The following THOC2 variants were observed in gnomAD, a reference collection of about 807,000 sequenced individuals.
THOC2 encodes the protein THO complex 2.
In THOC2, 10 loss-of-function variants were observed where a neutral mutation model predicts 128.4. That is an observed-to-expected ratio of 0.08 (90% confidence interval 0.05 to 0.13). THOC2 has a LOEUF of 0.13. Ranked by LOEUF, THOC2 falls within the 10% of genes least tolerant of loss-of-function variation. The probability of loss-of-function intolerance (pLI) is 1.00; values close to 1 mark genes in which losing one functional copy is unlikely to be tolerated. For missense variants in THOC2, 535 were observed against 1,155.7 expected (o/e 0.46, Z 7.79); for synonymous variants, 393 against 396.9 (o/e 0.99, Z 0.12).
chrX:123,686,558 T>C lies in THOC2; in HGVS notation c.758A>G (p.Lys253Arg). ...TLCHILGFKF[K>R]FYQEPNGETP... ...CACGTTTTTCTTTACCTGGTAAAAC[T>C]TGAATTTGAACCCAAGAATATGACA... is the stretch of plus-strand genomic sequence containing the variant. The change falls in exon 8 of 39, where the codon AAG becomes AGG. Residue 253 changes from lysine (K) to arginine (R), a missense_variant. Physicochemically the swap from Lys to Arg is conservative, Grantham distance 26 (BLOSUM62 2). Transcript: ENST00000245838. 8.4e-7 allele frequency: 1 copy of C among 1,192,836 alleles called. No homozygotes were observed. The highest frequency in any genetic ancestry group is 1.1e-6 in the Non-Finnish European group (1 of 885,572).
intron 8 of THOC2, among the ~76,000 whole-genome samples, chrX:123,685,922 G>C (rs1341336643): frequency 9.0e-6 from 1 of 111,675 alleles, no homozygotes; most frequent in African/African-American, 3.2e-5. Context: ...TCCAAGCACA[G>C]TGGCACACGA....
intron 1 of THOC2, among the ~76,000 whole-genome samples, chrX:123,717,013 G>T (rs903870551): frequency 8.9e-6 from 1 of 111,745 alleles, no homozygotes; most frequent in Non-Finnish European, 1.9e-5. Flanking sequence ...GTGAAAAGTT[G>T]AAAGTTTTTC....
chrX:123,644,306 T>C lies in THOC2; in HGVS notation c.1661+269A>G, dbSNP rs987172133. 4.5e-5 allele frequency among the ~76,000 whole-genome samples: 5 copies of C among 111,991 alleles called. No individual in the cohort carries two copies. In the Admixed American group the frequency reaches 4.7e-4, roughly 11 times the overall value. ...TCCTTAAAAAGAAAAAACAAAACCT[T>C]CATCCCATAATATGATGCACATATT... On this transcript the variant is annotated intron_variant, in intron 15 of 38. Transcript: ENST00000245838.
At chrX:123,669,733 T>C (rs984014635) in intron 9 of THOC2, among the ~76,000 whole-genome samples, 3 of 112,140 alleles carry the variant, frequency 2.7e-5, no homozygotes, top group Non-Finnish European at 5.6e-5. Context: ...ATTAGATACA[T>C]GTAAAGTTAG....
intron 8 of THOC2, among the ~76,000 whole-genome samples, chrX:123,685,107 T>C (rs993533504): frequency 2.7e-5 from 3 of 112,636 alleles, no homozygotes; most frequent in Non-Finnish European, 5.6e-5. Flanking sequence ...AAGAGAATTG[T>C]CTTCCTAAAA....
At chrX:123,643,106 G>C (rs2047990991) in intron 15 of THOC2, among the ~76,000 whole-genome samples, 1 of 111,484 alleles carries the variant, frequency 9.0e-6, no homozygotes, top group Admixed American at 9.6e-5. Context: ...TCACCAGATG[G>C]AAAGGGGGAA....
chrX:123,671,788 A>C lies in THOC2; in HGVS notation c.769-27T>G, dbSNP rs749993069. 8 of 989,333 alleles carry C rather than the reference A, an allele frequency of 8.1e-6. No homozygotes were observed. The African/African-American group carries it at 1.5e-4, about 19-fold the overall frequency. 81.5% of individuals were successfully genotyped at this position (989,333 alleles called of 1,213,427 possible). A position where few individuals can be genotyped will look rare whatever the true frequency, so the allele number is the denominator to read the frequency against. ...TAGAAATATAAAAAAAAAAGTTTCC[A>C]TTTAGTGCAGAAAGGACAATTAAAG... On this transcript the variant is annotated intron_variant, in intron 8 of 38. Coordinates refer to ENST00000245838, the MANE Select transcript of THOC2 (RefSeq NM_001081550.2).
intron 9 of THOC2, 114 bp from the exon 10 acceptor site, chrX:123,668,428 C>T (rs1468678764): frequency 3.1e-5 from 14 of 454,949 alleles, no homozygotes; most frequent in Non-Finnish European, 4.4e-5. Flanking sequence ...CTAACTTATT[C>T]GTGACCATTT....
At chrX:123,716,668 G>A (rs1326748974) in intron 1 of THOC2, among the ~76,000 whole-genome samples, 1 of 106,597 alleles carries the variant, frequency 9.4e-6, no homozygotes, top group Non-Finnish European at 1.9e-5. Context: ...GGCGGAGCTT[G>A]CAGTGAGTCA....
chrX:123,609,605 T>A (rs1180216057), intron 38 of THOC2, among the ~76,000 whole-genome samples: 3 of 111,955 alleles, frequency 2.7e-5, no homozygotes, highest in Non-Finnish European at 5.6e-5. Flanking sequence ...AAGCATCCAA[T>A]AATATTAGGG....
intron 8 of THOC2, among the ~76,000 whole-genome samples, chrX:123,675,019 A>T (rs56132017): frequency 8.2e-4 from 92 of 112,197 alleles, no homozygotes; most frequent in African/African-American, 2.6e-3. Context: ...TTAAAGATTC[A>T]TAATTATTAT....
chrX:123,668,414 A>AGACTTCTTATTTAT, intron 9 of THOC2, 100 bp from the exon 10 acceptor site: 1 of 515,024 alleles, frequency 1.9e-6, no homozygotes, highest in Non-Finnish European at 2.9e-6. Flanking sequence ...TATAAATAAG[A>AGACTTCTTATTTAT]AGTCTAACTT....
At chrX:123,630,599 C>T (rs750537324) in intron 22 of THOC2, among the ~76,000 whole-genome samples, 9 of 78,140 alleles carry the variant, frequency 1.2e-4, no homozygotes, top group African/African-American at 5.0e-4. Context: ...GAAGACAGAG[C>T]GAGACTCCAT....
At chrX:123,635,564 C>A (rs570197574) in intron 19 of THOC2, among the ~76,000 whole-genome samples, 2 of 111,100 alleles carry the variant, frequency 1.8e-5, no homozygotes, top group African/African-American at 6.5e-5. Context: ...GATATTGACC[C>A]AAAATAAAAT....
At chrX:123,687,260 T>G (rs1285683586) in intron 7 of THOC2, among the ~76,000 whole-genome samples, 2 of 111,687 alleles carry the variant, frequency 1.8e-5, no homozygotes, top group African/African-American at 6.5e-5. Flanking sequence ...CTGATTTATA[T>G]CCATGGCTTT....
chrX:123,623,650 G>A (rs1256642364), intron 28 of THOC2, 137 bp downstream of exon 28: 1 of 1,165,960 alleles, frequency 8.6e-7, no homozygotes, highest in Non-Finnish European at 1.2e-6. Flanking sequence ...TCACCAGCCT[G>A]TGGAAACATG....
chrX:123,621,636 TC>T, intron 30 of THOC2, 49 bp from the exon 31 acceptor site: 1 of 909,086 alleles, frequency 1.1e-6, no homozygotes, highest in Non-Finnish European at 1.5e-6. Context: ...ATAAAATATA[TC>T]CTTTGATATA....
intron 1 of THOC2, among the ~76,000 whole-genome samples, chrX:123,728,605 A>T (rs2052099135): frequency 9.0e-6 from 1 of 111,623 alleles, no homozygotes. Context: ...TAGAATGATT[A>T]TATCCCTTTA....
Position 123,703,440 on chromosome X carries a change from G to T in THOC2, c.274+14C>A, listed in dbSNP as rs772757115. On this transcript the variant is annotated intron_variant, in intron 4 of 38. Transcript: ENST00000245838. ...CACAGCACATTACAGGTGAAATAAA[G>T]GCTTAATACCTACCTAATATGCAGA... 2 of 1,119,279 alleles carry T rather than the reference G, an allele frequency of 1.8e-6. No individual in the cohort carries two copies. Among genetic ancestry groups the T allele is most frequent in the Non-Finnish European group, 2.4e-6 (2 of 817,286 alleles). 92.2% of individuals were successfully genotyped at this position (1,119,279 alleles called of 1,213,427 possible). A position where few individuals can be genotyped will look rare whatever the true frequency, so the allele number is the denominator to read the frequency against.
Sources: gnomAD v4.1 joint callset for allele counts (sites outside exome capture counted in the v4.1 genomes callset) on GRCh38, gnomAD v4.1.1 for gene constraint, MANE v1.5 for transcripts, NCBI Gene and HGNC (gene_info 2026-07-23, HGNC 2026-07-21) for gene names.